Variants in SOX5 observed in about 807,000 individuals in gnomAD.
The protein encoded by SOX5 is transcription factor SOX-5.
In SOX5, 9 loss-of-function variants were observed where a neutral mutation model predicts 92.0. The observed-to-expected ratio is 0.10, with a 90% CI of 0.06 to 0.17. SOX5 has a LOEUF of 0.17. SOX5 is among the 10% of genes least tolerant of loss of function. The pLI, the probability that SOX5 is intolerant of heterozygous loss-of-function variation, is 1.00. For missense variants in SOX5, 642 were observed against 944.5 expected, an observed-to-expected ratio of 0.68 and a Z score of 4.20; for synonymous variants, 344 against 336.3, an observed-to-expected ratio of 1.02 and a Z score of -0.25.
chr12:24,456,499 T>C (rs1943035634), intron 1 of SOX5, among the ~76,000 whole-genome samples: 2 of 152,218 alleles, frequency 1.3e-5, no homozygotes, highest in African/African-American at 4.8e-5. Flanking sequence ...GAGGTGGAAG[T>C]ACCTTTCTTC....
At chr12:24,478,073 C>A (rs1156884018) in intron 1 of SOX5, among the ~76,000 whole-genome samples, 1 of 152,230 alleles carries the variant, frequency 6.6e-6, no homozygotes, top group East Asian at 1.9e-4. Context: ...TTGTCTAACA[C>A]CTAAGGAATT....
At chr12:24,420,831 G>C (rs935571696) in intron 1 of SOX5, among the ~76,000 whole-genome samples, 7 of 152,072 alleles carry the variant, frequency 4.6e-5, no homozygotes, top group Non-Finnish European at 7.4e-5. Flanking sequence ...CTTACAAAGG[G>C]ATCAAACTTA....
At chr12:24,178,070 TCA>T (rs751469648) in intron 4 of SOX5, among the ~76,000 whole-genome samples, 85 of 152,100 alleles carry the variant, frequency 5.6e-4, no homozygotes, top group Non-Finnish European at 1.8e-4. Context: ...ACTTGAAAAT[TCA>T]CAGTCATCAG....
chr12:24,365,604 A>C (rs1027395302), intron 2 of SOX5, among the ~76,000 whole-genome samples: 1 of 151,452 alleles, frequency 6.6e-6, no homozygotes, highest in Non-Finnish European at 1.5e-5. Flanking sequence ...TAAGAAGAAA[A>C]AAAATCAGCT....
At chr12:24,212,501 G>A (rs747156314) in intron 4 of SOX5, 1 of 532,904 alleles carries the variant, frequency 1.9e-6, no homozygotes. Flanking sequence ...ACACGGGAGG[G>A]GTTACAAGGA....
At chr12:24,015,716 T>C (rs190647677) in intron 4 of SOX5, among the ~76,000 whole-genome samples, 83 of 152,268 alleles carry the variant, frequency 5.5e-4, no homozygotes, top group African/African-American at 1.9e-3. Flanking sequence ...TTATTACTGT[T>C]CTTAATCACA....
chr12:23,945,058 A>G (rs1944317522), intron 1 of SOX5, among the ~76,000 whole-genome samples: 1 of 152,182 alleles, frequency 6.6e-6, no homozygotes, highest in Admixed American at 6.6e-5. Context: ...CATCTGCATT[A>G]CACAATATAC....
intron 1 of SOX5, among the ~76,000 whole-genome samples, chr12:24,417,310 A>C (rs1437172010): frequency 1.3e-5 from 2 of 152,242 alleles, no homozygotes; most frequent in Non-Finnish European, 2.9e-5. Flanking sequence ...CTAACCTAGC[A>C]CATGGAGTTT....
intron 4 of SOX5, among the ~76,000 whole-genome samples, chr12:24,198,401 G>A (rs550019459): frequency 1.4e-4 from 22 of 152,026 alleles, no homozygotes; most frequent in Non-Finnish European, 2.9e-4. Context: ...ATTTTATTTC[G>A]AGTTGTTTAT....
In SOX5 at chr12:23,565,840, T is replaced by A. The variant is rs1455414005; in HGVS notation, c.1343-2437A>T. On this transcript the variant is annotated intron_variant, in intron 10 of 14. Coordinates refer to ENST00000451604, the MANE Select transcript of SOX5 (RefSeq NM_006940.6). The stretch of plus-strand genomic sequence containing the variant: ...ACAACATTCAATCTTAATATGATTG[T>A]TTGCTGGTTCTTTACAGTTTGTTCT... Among the ~76,000 whole-genome samples the A allele has an allele frequency of 2.0e-5, 3 of 152,238 alleles. No individual in the cohort carries two copies. In the East Asian group the frequency reaches 5.8e-4, roughly 29 times the overall value.
intron 1 of SOX5, among the ~76,000 whole-genome samples, chr12:23,911,219 T>C (rs2097348384): frequency 6.6e-6 from 1 of 152,064 alleles, no homozygotes; most frequent in Non-Finnish European, 1.5e-5. Flanking sequence ...AAATACTTAC[T>C]TAACTTTCCA....
chr12:24,310,276 C>T (rs950818291), intron 2 of SOX5, among the ~76,000 whole-genome samples: 1 of 152,044 alleles, frequency 6.6e-6, no homozygotes, highest in Non-Finnish European at 1.5e-5. Flanking sequence ...TAACAAAGAT[C>T]GTACATTTAA....
chr12:24,404,704 A>G (rs1403159161), intron 1 of SOX5, among the ~76,000 whole-genome samples: 1 of 152,162 alleles, frequency 6.6e-6, no homozygotes, highest in Non-Finnish European at 1.5e-5. Context: ...GAGGAATTGC[A>G]TGGGAACTTC....
chr12:23,844,766 T>C (rs2096556540), intron 3 of SOX5, among the ~76,000 whole-genome samples: 1 of 152,174 alleles, frequency 6.6e-6, no homozygotes, highest in Non-Finnish European at 1.5e-5. Context: ...GTTTTATGTT[T>C]TTAAAATAAT....
At chr12:23,773,335 T>C (rs1215025299) in intron 3 of SOX5, among the ~76,000 whole-genome samples, 1 of 152,134 alleles carries the variant, frequency 6.6e-6, no homozygotes, top group African/African-American at 2.4e-5. Flanking sequence ...ACTGTAAATA[T>C]AAAACCTCTG....
intron 4 of SOX5, among the ~76,000 whole-genome samples, chr12:24,076,788 C>T (rs1384385690): frequency 7.6e-6 from 1 of 131,458 alleles, no homozygotes; most frequent in Non-Finnish European, 1.6e-5. Context: ...AATTCTCTTT[C>T]CTAAAGTCTA....
chr12:23,743,412 C>T (rs1245023176), intron 4 of SOX5, among the ~76,000 whole-genome samples: 3 of 151,958 alleles, frequency 2.0e-5, no homozygotes, highest in Middle Eastern at 3.2e-3. Flanking sequence ...TGGGGTCAAG[C>T]GATTCTCCTA....
chr12:24,298,521 G>C (rs1282788729), intron 2 of SOX5, among the ~76,000 whole-genome samples: 1 of 152,100 alleles, frequency 6.6e-6, no homozygotes, highest in Non-Finnish European at 1.5e-5. Flanking sequence ...ATGGAGATGA[G>C]TAATAGGGCC....
intron 8 of SOX5, among the ~76,000 whole-genome samples, chr12:23,626,910 G>A (rs1471858647): frequency 1.3e-5 from 2 of 152,000 alleles, no homozygotes; most frequent in Non-Finnish European, 2.9e-5. Flanking sequence ...TTAAGCAGTA[G>A]GATATAAAGA....
Sources: gnomAD v4.1 joint callset for allele counts (sites outside exome capture counted in the v4.1 genomes callset) on GRCh38, gnomAD v4.1.1 for gene constraint, MANE v1.5 for transcripts, NCBI Gene and HGNC (gene_info 2026-07-23, HGNC 2026-07-21) for gene names.